MLPH: variants seen among roughly 807,000 people sequenced by gnomAD.
MLPH encodes the protein melanophilin, also known as exophilin-3.
Under a neutral mutation model 72.1 loss-of-function variants are expected in MLPH, and 51 were observed. The ratio of observed to expected loss-of-function variants is 0.71; its 90% CI spans 0.56 to 0.89. The LOEUF is 0.89. MLPH is among the 40% of genes least tolerant of loss of function. The pLI, the probability that MLPH is intolerant of heterozygous loss-of-function variation, is 0.00. For synonymous variants in MLPH, 301 were observed against 310.1 expected (o/e 0.97, Z 0.31); for missense variants, 743 against 759.9 (o/e 0.98, Z 0.26).
chr2:237,507,062 C>CTTTTTTTTTTTTTTTTTTT lies in MLPH; in HGVS notation c.111-3509_111-3491dup, dbSNP rs61091364. 4.5e-3 allele frequency among the ~76,000 whole-genome samples: 425 copies of CTTTTTTTTTTTTTTTTTTT among 94,546 alleles called. 2 individuals are homozygous for CTTTTTTTTTTTTTTTTTTT. Among genetic ancestry groups the CTTTTTTTTTTTTTTTTTTT allele is most frequent in the African/African-American group, 9.3e-3 (214 of 23,036 alleles). The allele number at this position is 94,546 out of a possible 152,430, so 62.0% of individuals were successfully genotyped here. On this transcript the variant is annotated intron_variant, in intron 2 of 15. Transcript: ENST00000264605. ...TTTTTTTCCTTTTTCTTTTTTTTTT[C>CTTTTTTTTTTTTTTTTTTT]TTTTTTTTTTTTTTTTTTTTTGAGA...
chr2:237,511,834 A>G (rs2079910172), intron 4 of MLPH, among the ~76,000 whole-genome samples: 1 of 152,210 alleles, frequency 6.6e-6, no homozygotes, highest in Non-Finnish European at 1.5e-5. Flanking sequence ...AAGATCCCCC[A>G]TAAGGCATTT....
intron 4 of MLPH, among the ~76,000 whole-genome samples, chr2:237,514,348 T>C (rs1203499944): frequency 1.3e-5 from 2 of 152,164 alleles, no homozygotes; most frequent in Admixed American, 1.3e-4. Flanking sequence ...GTCCTCCCAC[T>C]TGGGCCTCTC....
intron 2 of MLPH, among the ~76,000 whole-genome samples, chr2:237,503,919 G>T (rs1367681691): frequency 6.6e-6 from 1 of 152,188 alleles, no homozygotes; most frequent in Non-Finnish European, 1.5e-5. Context: ...CTGCCCACCT[G>T]CTGGCCTGGA....
intron 4 of MLPH, among the ~76,000 whole-genome samples, chr2:237,513,081 A>G (rs930631595): frequency 4.0e-5 from 6 of 151,408 alleles, no homozygotes; most frequent in Admixed American, 3.9e-4. Context: ...AGGAACACAA[A>G]CACTGGGAAA....
rs1559350591 is a variant in MLPH, at chr2:237,516,943, A to ATGGATGGATGGATG, written c.446-1596_446-1595insTGGATGGATGGATG. Among the ~76,000 whole-genome samples, 83 of 85,106 alleles carry ATGGATGGATGGATG rather than the reference A, an allele frequency of 9.8e-4. 2 individuals carry two copies. Among genetic ancestry groups the ATGGATGGATGGATG allele is most frequent in the African/African-American group, 8.3e-3 (77 of 9,246 alleles). The allele number at this position is 85,106 out of a possible 152,430, so 55.8% of individuals were successfully genotyped here. On this transcript the variant is annotated intron_variant, in intron 4 of 15. Transcript: ENST00000264605. ...TGGATGGATGGATGGATGGATGGAT[A>ATGGATGGATGGATG]GGTGGATAGGTGGATAGATAGGTGG...
In MLPH at chr2:237,534,625, C is replaced by T. The variant is rs776207253; in HGVS notation, c.1082C>T (p.Thr361Ile). ...TGCCTGCTGACCTACCTGGAGAACA[C>T]AGTTGTGCCTCCCTTGGCCAAGGTA... ...VECLLTYLEN[T>I]VVPPLAKGLG... is the part of the protein sequence containing the mutation. Residue 361 changes from threonine to isoleucine, a missense_variant, in exon 9 of 16, where the codon ACA (threonine) becomes ATA (isoleucine). Physicochemically the swap from Thr to Ile is moderately conservative, Grantham distance 89. Transcript: ENST00000264605. 6 of 1,613,766 alleles carry T rather than the reference C, an allele frequency of 3.7e-6. No individual in the cohort carries two copies. The highest frequency in any genetic ancestry group is 2.2e-5 in the East Asian group (1 of 44,888).
At chr2:237,551,835 C>T (rs2081046746) in intron 14 of MLPH, among the ~76,000 whole-genome samples, 1 of 152,072 alleles carries the variant, frequency 6.6e-6, no homozygotes, top group South Asian at 2.1e-4. Context: ...AAAAATTAGC[C>T]AGGCATGGTG....
intron 5 of MLPH, among the ~76,000 whole-genome samples, chr2:237,519,309 G>T (rs2080125072): frequency 6.6e-6 from 1 of 152,146 alleles, no homozygotes; most frequent in Non-Finnish European, 1.5e-5. Flanking sequence ...CTTTGCGGCT[G>T]CTGTGAGGGG....
At chr2:237,524,925 GT>G (rs2080270346) in intron 6 of MLPH, among the ~76,000 whole-genome samples, 1 of 152,192 alleles carries the variant, frequency 6.6e-6, no homozygotes, top group Non-Finnish European at 1.5e-5. Flanking sequence ...AGCAGGGTGG[GT>G]CCTGGAAGCC....
chr2:237,506,670 A>T (rs2079778882), intron 2 of MLPH, among the ~76,000 whole-genome samples: 3 of 152,252 alleles, frequency 2.0e-5, no homozygotes, highest in African/African-American at 7.2e-5. Context: ...TATAGATAAC[A>T]TAACTGATTA....
chr2:237,527,378 G>A lies in MLPH; in HGVS notation c.882G>A (p.Gly294=). ...TTCAAACCCACTCTCGCTCTGAAGG[G>A]TCGAATGTCATCAGGAATGAGCAGC... ...RMALGTAAAL[G]SNVIRNEQLP... is the part of the protein sequence containing the mutation. Residue 294 remains glycine (G), a splice_region_variant and synonymous_variant, in exon 8 of 16, where the codon GGG becomes GGA. Coordinates refer to ENST00000264605, the MANE Select transcript of MLPH (RefSeq NM_024101.7). The A allele has an allele frequency of 1.2e-6, 2 of 1,614,192 alleles. No individual in the cohort carries two copies. The highest frequency in any genetic ancestry group is 1.7e-5 in the Admixed American group (1 of 60,024).
chr2:237,497,829 C>A lies in MLPH; in HGVS notation c.110+4293C>A, dbSNP rs572444717. Reference sequence around the variant, plus strand: ...TTCTCTGTAGCGTCTCTCTGGGTGACATCCTCGGGGTCCTCATGTCTGCTC... The same window carrying A: ...TTCTCTGTAGCGTCTCTCTGGGTGAAATCCTCGGGGTCCTCATGTCTGCTC... On this transcript the variant is annotated intron_variant, in intron 2 of 15. Transcript: ENST00000264605. 5.4e-3 allele frequency among the ~76,000 whole-genome samples: 825 copies of A among 152,336 alleles called. 13 individuals are homozygous for A. Among genetic ancestry groups the A allele is most frequent in the African/African-American group, 0.019 (795 of 41,568 alleles).
At chr2:237,538,208 TG>T (rs1451001975) in intron 9 of MLPH, among the ~76,000 whole-genome samples, 1 of 152,102 alleles carries the variant, frequency 6.6e-6, no homozygotes, top group African/African-American at 2.4e-5. Context: ...ACGCAACTGC[TG>T]GAACACCAAG....
intron 13 of MLPH, among the ~76,000 whole-genome samples, 186 bp from the exon 14 acceptor site, chr2:237,549,035 C>A (rs1245397062): frequency 6.6e-6 from 1 of 152,228 alleles, no homozygotes; most frequent in Non-Finnish European, 1.5e-5. Context: ...TTATTTCAGG[C>A]ATTTCATGCT....
chr2:237,539,405 G>A (rs1013404768), intron 9 of MLPH, among the ~76,000 whole-genome samples: 15 of 152,218 alleles, frequency 9.9e-5, no homozygotes, highest in South Asian at 4.1e-4. Context: ...TGGCCTAAGC[G>A]AGCTTTAAAG....
In MLPH at chr2:237,540,540, C is replaced by T. The variant is rs767411411; in HGVS notation, c.1290+7C>T. 4.4e-5 allele frequency: 71 copies of T among 1,608,794 alleles called. No individual in the cohort carries two copies. In the Admixed American group the frequency reaches 1.1e-3, roughly 25 times the overall value. On this transcript the variant is annotated splice_region_variant and intron_variant, in intron 10 of 15. Transcript: ENST00000264605. Reference sequence around the variant, plus strand: ...CCCCCAGGCGGACCCGGAGGTAAGACTATCCCCCAGAGGTCTCAGCAGGAC... The same window carrying T: ...CCCCCAGGCGGACCCGGAGGTAAGATTATCCCCCAGAGGTCTCAGCAGGAC...
At chr2:237,504,190 G>A (rs746258037) in intron 2 of MLPH, among the ~76,000 whole-genome samples, 15 of 152,144 alleles carry the variant, frequency 9.9e-5, no homozygotes, top group Non-Finnish European at 2.1e-4. Flanking sequence ...TAATGCATTT[G>A]CATTGTTTTT....
chr2:237,548,416 G>A (rs745598603), intron 13 of MLPH, among the ~76,000 whole-genome samples: 11 of 152,198 alleles, frequency 7.2e-5, no homozygotes, highest in Non-Finnish European at 1.5e-4. Context: ...TCACACTGTA[G>A]CAAGGCAATC....
intron 2 of MLPH, among the ~76,000 whole-genome samples, chr2:237,495,379 G>T (rs1032492688): frequency 1.3e-5 from 2 of 152,224 alleles, no homozygotes; most frequent in Admixed American, 1.3e-4. Flanking sequence ...GGGGGTGGCA[G>T]CATTGTTCAG....
Sources: gnomAD v4.1 joint callset for allele counts (sites outside exome capture counted in the v4.1 genomes callset) on GRCh38, gnomAD v4.1.1 for gene constraint, MANE v1.5 for transcripts, NCBI Gene and HGNC (gene_info 2026-07-23, HGNC 2026-07-21) for gene names.